AGBL1: variants seen among roughly 807,000 people sequenced by gnomAD.
The protein encoded by AGBL1 is AGBL carboxypeptidase 1, also known as cytosolic carboxypeptidase 4.
Under a neutral mutation model 118.9 loss-of-function variants are expected in AGBL1, and 130 were observed. That is an observed-to-expected ratio of 1.09 (90% CI 0.95 to 1.26). The LOEUF is 1.26. Among genes scored for constraint, AGBL1 ranks in the 50% most tolerant of loss-of-function variants. AGBL1 has a pLI of 0.00. For synonymous variants in AGBL1, 555 were observed against 478.9 expected (o/e 1.16, Z -2.08); for missense variants, 1,584 against 1,298.1 (o/e 1.22, Z -3.38).
chr15:86,143,444 A>G (rs1567082504), intron 2 of AGBL1, among the ~76,000 whole-genome samples: 2 of 152,238 alleles, frequency 1.3e-5, no homozygotes, highest in African/African-American at 2.4e-5. Context: ...AGAATCTCAG[A>G]TAAGCTCTAT....
intron 22 of AGBL1, among the ~76,000 whole-genome samples, chr15:86,773,938 G>T (rs1596469169): frequency 6.6e-6 from 1 of 152,108 alleles, no homozygotes; most frequent in East Asian, 1.9e-4. Flanking sequence ...GAATAGGCTG[G>T]CTCTGAGAGG....
intron 22 of AGBL1, among the ~76,000 whole-genome samples, chr15:86,774,872 C>T (rs778380065): frequency 2.6e-5 from 4 of 151,916 alleles, no homozygotes; most frequent in South Asian, 2.1e-4. Flanking sequence ...AGGTAAGGAG[C>T]GGCTATGACA....
intron 17 of AGBL1, among the ~76,000 whole-genome samples, chr15:86,298,440 A>AT (rs1022455386): frequency 4.0e-4 from 60 of 150,150 alleles, no homozygotes; most frequent in Non-Finnish European, 7.4e-4. Flanking sequence ...AAGAAAAAAA[A>AT]CCCAGCCCAG....
At chr15:86,257,819 G>C in intron 8 of AGBL1, 145 bp from the exon 9 acceptor site, 1 of 718,614 alleles carries the variant, frequency 1.4e-6, no homozygotes, top group Non-Finnish European at 2.3e-6. Flanking sequence ...ATAAGCATTT[G>C]TGTGTGGTGG....
At chr15:86,138,583 A>T (rs1430928218) in intron 1 of AGBL1, among the ~76,000 whole-genome samples, 1 of 152,196 alleles carries the variant, frequency 6.6e-6, no homozygotes, top group African/African-American at 2.4e-5. Flanking sequence ...TGTTTGCGAG[A>T]TGAATGCATG....
intron 21 of AGBL1, among the ~76,000 whole-genome samples, chr15:86,583,264 G>A (rs28663630): frequency 0.45 from 68,688 of 151,712 alleles, 15,907 homozygotes; most frequent in Middle Eastern, 0.51. Flanking sequence ...CTGCCACCAA[G>A]GTACTGGTAC....
At chr15:86,545,881 G>A (rs1477237168) in intron 19 of AGBL1, 121 bp from the exon 20 acceptor site, 13 of 1,241,608 alleles carry the variant, frequency 1.0e-5, no homozygotes, top group South Asian at 3.0e-5. Flanking sequence ...AACAGCATCC[G>A]AGAAAGTTGA....
chr15:86,841,724 G>T (rs997095554), intron 22 of AGBL1, among the ~76,000 whole-genome samples: 1 of 152,038 alleles, frequency 6.6e-6, no homozygotes, highest in Admixed American at 6.5e-5. Flanking sequence ...GTGCATGCCC[G>T]TAATCCCATC....
At chr15:86,107,953 A>C (rs771316440) in intron 1 of AGBL1, among the ~76,000 whole-genome samples, 1 of 152,202 alleles carries the variant, frequency 6.6e-6, no homozygotes, top group Non-Finnish European at 1.5e-5. Context: ...AAAATAGAGT[A>C]AGAACCAAGA....
chr15:86,311,909 A>G (rs2079927094), intron 17 of AGBL1, among the ~76,000 whole-genome samples: 1 of 152,222 alleles, frequency 6.6e-6, no homozygotes, highest in Non-Finnish European at 1.5e-5. Flanking sequence ...GGCGGGTGTA[A>G]TTACAGTAAT....
rs373572064 is a variant in AGBL1, at chr15:86,623,045, C to T, written c.2995-51228C>T. Among the ~76,000 whole-genome samples, 8 of 152,108 alleles carry T rather than the reference C, an allele frequency of 5.3e-5. No homozygotes were observed. The East Asian group carries it at 5.8e-4, about 11-fold the overall frequency. ...GAATCTAATGCCACCACTGATCTGA[C>T]GGGAGATAGTGCTCCAGCAGTAATG... On this transcript the variant is annotated intron_variant, in intron 21 of 22. Transcript: ENST00000614907.
intron 22 of AGBL1, among the ~76,000 whole-genome samples, chr15:86,887,381 G>T (rs963550771): frequency 6.6e-6 from 1 of 152,078 alleles, no homozygotes; most frequent in Non-Finnish European, 1.5e-5. Context: ...ACACTCACCT[G>T]CCTAACTGCT....
chr15:86,235,575 A>T (rs2078527488), intron 6 of AGBL1, among the ~76,000 whole-genome samples: 1 of 152,230 alleles, frequency 6.6e-6, no homozygotes, highest in Non-Finnish European at 1.5e-5. Flanking sequence ...TGGCTTCCTC[A>T]TCACTTTCAG....
chr15:86,499,947 A>T (rs1275892626), intron 18 of AGBL1, among the ~76,000 whole-genome samples: 2 of 151,820 alleles, frequency 1.3e-5, no homozygotes, highest in African/African-American at 4.8e-5. Flanking sequence ...GCATCAGGGA[A>T]GTCACCTGTG....
At chr15:86,777,668 T>C (rs2078277857) in intron 22 of AGBL1, among the ~76,000 whole-genome samples, 1 of 152,188 alleles carries the variant, frequency 6.6e-6, no homozygotes, top group Non-Finnish European at 1.5e-5. Flanking sequence ...AAATTTTACA[T>C]TCAGGCCAAA....
intron 1 of AGBL1, among the ~76,000 whole-genome samples, chr15:86,085,258 T>G (rs764238359): frequency 6.6e-6 from 1 of 152,138 alleles, no homozygotes; most frequent in African/African-American, 2.4e-5. Context: ...GGGAGGTACA[T>G]TTACCAGGAT....
chr15:86,296,040 A>G (rs183271226), intron 17 of AGBL1: 4 of 152,582 alleles, frequency 2.6e-5, no homozygotes, highest in African/African-American at 9.7e-5. Flanking sequence ...ACGTGTATAC[A>G]TGTGTAGACA....
intron 22 of AGBL1, among the ~76,000 whole-genome samples, chr15:86,769,407 C>T (rs2078141321): frequency 6.6e-6 from 1 of 151,812 alleles, no homozygotes. Context: ...GCTATAAATG[C>T]CTTTGCTCAG....
intron 1 of AGBL1, among the ~76,000 whole-genome samples, chr15:86,109,510 A>G (rs1897238494): frequency 1.3e-5 from 2 of 152,172 alleles, no homozygotes; most frequent in South Asian, 2.1e-4. Flanking sequence ...ACCATTTTCT[A>G]TAGAGAAAAT....
Sources: gnomAD v4.1 joint callset for allele counts (sites outside exome capture counted in the v4.1 genomes callset) on GRCh38, gnomAD v4.1.1 for gene constraint, MANE v1.5 for transcripts, NCBI Gene and HGNC (gene_info 2026-07-23, HGNC 2026-07-21) for gene names.